ITSN1: variants seen among roughly 807,000 people sequenced by gnomAD.
ITSN1 encodes intersectin 1.
Under a neutral mutation model 239.8 loss-of-function variants are expected in ITSN1, and 58 were observed. That is an observed-to-expected ratio of 0.24 (90% confidence interval 0.20 to 0.30). The LOEUF (loss-of-function observed/expected upper bound fraction) is 0.30, where lower values mean the gene tolerates loss of function less well. Ranked by LOEUF, ITSN1 falls within the 10% of genes least tolerant of loss-of-function variation. ITSN1 has a pLI of 1.00. For synonymous variants in ITSN1, 780 were observed against 770.8 expected (o/e 1.01, Z -0.20); for missense variants, 1,558 against 2,103.3 (o/e 0.74, Z 5.07).
intron 12 of ITSN1, among the ~76,000 whole-genome samples, chr21:33,772,812 G>A (rs879725906): frequency 1.3e-5 from 2 of 152,070 alleles, no homozygotes; most frequent in African/African-American, 2.4e-5. Flanking sequence ...GAACATTAAT[G>A]TACAAGTTTT....
At chr21:33,831,733 G>A (rs542986404) in intron 27 of ITSN1, among the ~76,000 whole-genome samples, 9 of 152,116 alleles carry the variant, frequency 5.9e-5, no homozygotes, top group Non-Finnish European at 8.8e-5. Context: ...TATAAGAAAC[G>A]CATCTTGGCC....
At chr21:33,873,392 G>A (rs1602670354) in intron 33 of ITSN1, among the ~76,000 whole-genome samples, 2 of 152,352 alleles carry the variant, frequency 1.3e-5, no homozygotes, top group South Asian at 4.1e-4. Flanking sequence ...AGCACAGGGT[G>A]ATAATTGTTT....
chr21:33,876,014 C>A (rs1176301794), intron 34 of ITSN1, among the ~76,000 whole-genome samples: 2 of 152,048 alleles, frequency 1.3e-5, no homozygotes, highest in Non-Finnish European at 2.9e-5. Context: ...TATATCATTT[C>A]CCATTGCCAG....
intron 29 of ITSN1, among the ~76,000 whole-genome samples, chr21:33,840,252 G>A (rs551974078): frequency 3.9e-5 from 6 of 152,318 alleles, no homozygotes; most frequent in East Asian, 3.9e-4. Flanking sequence ...ACAAGGGAAA[G>A]AAAGCATCTT....
At chr21:33,800,348 A>G (rs1005999139) in intron 19 of ITSN1, among the ~76,000 whole-genome samples, 1 of 151,976 alleles carries the variant, frequency 6.6e-6, no homozygotes, top group Admixed American at 6.6e-5. Context: ...GTGTGTATAT[A>G]TGTACACATA....
chr21:33,696,511 T>C (rs1231255649), intron 1 of ITSN1, among the ~76,000 whole-genome samples: 1 of 152,262 alleles, frequency 6.6e-6, no homozygotes, highest in African/African-American at 2.4e-5. Context: ...TATCAAGGCT[T>C]ACATGTAGCC....
intron 5 of ITSN1, among the ~76,000 whole-genome samples, chr21:33,740,935 C>T (rs954381211): frequency 1.3e-5 from 2 of 151,950 alleles, no homozygotes; most frequent in African/African-American, 4.8e-5. Context: ...AGATAGATAG[C>T]TAATAAATTT....
intron 29 of ITSN1, chr21:33,838,569 T>C (rs762919149): frequency 2.4e-5 from 12 of 495,650 alleles, no homozygotes; most frequent in Non-Finnish European, 3.1e-5. Context: ...AGACTAGATG[T>C]CAGCAATGGG....
At chr21:33,708,486 C>T (rs11910921) in intron 1 of ITSN1, among the ~76,000 whole-genome samples, 1,958 of 152,128 alleles carry the variant, frequency 0.013, 47 homozygotes, top group African/African-American at 0.044. Flanking sequence ...CTCCCAGGTT[C>T]AGGCCATTCT....
intron 29 of ITSN1, chr21:33,838,167 A>G: frequency 1.0e-6 from 1 of 985,448 alleles, no homozygotes; most frequent in Non-Finnish European, 1.2e-6. Context: ...GGAAGCTCTC[A>G]ATAAAAATGC....
At chr21:33,792,676 C>T (rs2071233297) in intron 16 of ITSN1, among the ~76,000 whole-genome samples, 1 of 152,132 alleles carries the variant, frequency 6.6e-6, no homozygotes, top group African/African-American at 2.4e-5. Flanking sequence ...GATCTCAGCA[C>T]TTTAAACAGT....
chr21:33,834,872 C>T (rs971211596), intron 28 of ITSN1, among the ~76,000 whole-genome samples: 1 of 152,066 alleles, frequency 6.6e-6, no homozygotes, highest in Non-Finnish European at 1.5e-5. Context: ...CAAAATAGCT[C>T]CCCTGTGACA....
intron 1 of ITSN1, chr21:33,643,855 A>G (rs1208912449): frequency 6.6e-6 from 1 of 152,244 alleles, no homozygotes; most frequent in Non-Finnish European, 1.5e-5. Context: ...AGCAAATCCC[A>G]TACAAACAAA....
chr21:33,662,970 A>G (rs963245039), intron 1 of ITSN1, among the ~76,000 whole-genome samples: 5 of 152,248 alleles, frequency 3.3e-5, no homozygotes, highest in Non-Finnish European at 7.3e-5. Context: ...AGCTGAACTT[A>G]AATAAAAAAT....
chr21:33,856,018 C>T (rs1979256401), intron 29 of ITSN1, among the ~76,000 whole-genome samples: 1 of 152,252 alleles, frequency 6.6e-6, no homozygotes, highest in South Asian at 2.1e-4. Flanking sequence ...GCCCAAGTCT[C>T]AGGGTTTGGC....
In ITSN1 at chr21:33,740,419, C is replaced by T. The variant is rs565581490; in HGVS notation, c.346+5215C>T. On this transcript the variant is annotated intron_variant, in intron 5 of 39. Transcript: ENST00000381318. Reference sequence around the variant, plus strand: ...ACTGAGGCTGACAAAAGTGAAATGGCAGAAGATTGGTGTCCTGCTACCAAG... The same window carrying T: ...ACTGAGGCTGACAAAAGTGAAATGGTAGAAGATTGGTGTCCTGCTACCAAG... Among the ~76,000 whole-genome samples, 3 of 152,266 alleles carry T rather than the reference C, an allele frequency of 2.0e-5. No individual in the cohort carries two copies. The South Asian group carries it at 6.2e-4, about 32-fold the overall frequency.
intron 1 of ITSN1, among the ~76,000 whole-genome samples, chr21:33,660,281 A>G (rs2089452090): frequency 6.6e-6 from 1 of 152,108 alleles, no homozygotes. Flanking sequence ...TTATCTCCTA[A>G]GGTGGTGGAC....
chr21:33,815,866 G>A (rs2073230647), intron 22 of ITSN1, among the ~76,000 whole-genome samples: 1 of 139,300 alleles, frequency 7.2e-6, no homozygotes, highest in Non-Finnish European at 1.6e-5. Flanking sequence ...AGGTTTGGGA[G>A]CAGGCGAATG....
chr21:33,773,308 C>T (rs2069323659), intron 12 of ITSN1, among the ~76,000 whole-genome samples: 1 of 152,042 alleles, frequency 6.6e-6, no homozygotes, highest in South Asian at 2.1e-4. Flanking sequence ...GCGCCTGGCC[C>T]ATGCAACCTT....
Sources: allele counts gnomAD v4.1 joint callset (sites outside exome capture counted in the v4.1 genomes callset), GRCh38; gene constraint gnomAD v4.1.1; transcripts MANE v1.5; gene names NCBI Gene and HGNC (gene_info 2026-07-23, HGNC 2026-07-21).